The following MTURN variants were observed in gnomAD, a reference collection of about 807,000 sequenced individuals.
The protein encoded by MTURN is maturin, neural progenitor differentiation regulator homolog.
Under a neutral mutation model 14.9 loss-of-function variants are expected in MTURN, and 7 were observed. The observed-to-expected ratio is 0.47, with a 90% confidence interval of 0.27 to 0.88. The LOEUF (loss-of-function observed/expected upper bound fraction) is 0.88. Among genes scored for constraint, MTURN ranks in the 40% least tolerant of loss-of-function variants. The pLI, the probability that MTURN is intolerant of heterozygous loss-of-function variation, is 0.14. For missense variants in MTURN, 151 were observed against 174.1 expected (o/e 0.87, Z 0.75); for synonymous variants, 69 against 72.5 (o/e 0.95, Z 0.25).
chr7:30,139,400 G>A (rs1281846166), intron 1 of MTURN, among the ~76,000 whole-genome samples: 1 of 152,162 alleles, frequency 6.6e-6, no homozygotes, highest in African/African-American at 2.4e-5. Context: ...CTTTTCCACA[G>A]TTAATAAGTG....
In MTURN at chr7:30,157,621, A is replaced by G; in HGVS notation, c.*73A>G. 3 of 1,136,090 alleles carry G rather than the reference A, an allele frequency of 2.6e-6. 1 individual carries two copies. In the East Asian group the frequency reaches 8.1e-5, roughly 31 times the overall value. The allele number at this position is 1,136,090 out of a possible 1,614,324, so 70.4% of individuals were successfully genotyped here. A position where few individuals can be genotyped will look rare whatever the true frequency, so the allele number is the denominator to read the frequency against. On this transcript the variant is annotated 3_prime_UTR_variant, in exon 3 of 3. Transcript: ENST00000324453. ...GTGGGGTCACTGCCCCTCCTGGGTT[A>G]GCATTTTGCATTAGCACTTCGAAAT...
At chr7:30,141,902 T>G (rs550854042) in intron 1 of MTURN, among the ~76,000 whole-genome samples, 3 of 152,180 alleles carry the variant, frequency 2.0e-5, no homozygotes, top group Non-Finnish European at 4.4e-5. Context: ...CCCACTTCAG[T>G]ACTCCAGTAA....
chr7:30,139,498 A>G (rs1797016506), intron 1 of MTURN, among the ~76,000 whole-genome samples: 2 of 152,172 alleles, frequency 1.3e-5, no homozygotes, highest in Non-Finnish European at 2.9e-5. Flanking sequence ...GGGTTCAGGG[A>G]GTGCTTCTTA....
At chr7:30,137,816 G>A (rs1796989359) in intron 1 of MTURN, 2 of 368,138 alleles carry the variant, frequency 5.4e-6, no homozygotes, top group South Asian at 4.1e-5. Flanking sequence ...TTAGTTGAAG[G>A]ACTTAGCAAT....
chr7:30,135,062 C>A lies in MTURN; in HGVS notation c.-75C>A. 8.4e-7 allele frequency: 1 copy of A among 1,192,544 alleles called. No individual in the cohort carries two copies. Among genetic ancestry groups the A allele is most frequent in the Middle Eastern group, 3.0e-4 (1 of 3,288 alleles). 73.9% of individuals were successfully genotyped at this position (1,192,544 alleles called of 1,614,324 possible). ...AGCCCGCGCAGGCCGAGCCGAGCGC[C>A]GCGCTGCCCGCCCGGGAGGAGGGCG... On this transcript the variant is annotated 5_prime_UTR_variant, in exon 1 of 3. Transcript: ENST00000324453.
intron 1 of MTURN, among the ~76,000 whole-genome samples, chr7:30,135,577 C>T (rs2128028928): frequency 6.6e-6 from 1 of 152,226 alleles, no homozygotes; most frequent in African/African-American, 2.4e-5. Context: ...GGCCACTCCT[C>T]TCCCCGCTGC....
chr7:30,135,145 C>T lies in MTURN; in HGVS notation c.9C>T (p.Phe3=), dbSNP rs1347224932. 6.9e-7 allele frequency: 1 copy of T among 1,457,390 alleles called. No homozygotes were observed. 90.3% of individuals were successfully genotyped at this position (1,457,390 alleles called of 1,614,324 possible). A position where few individuals can be genotyped will look rare whatever the true frequency, so the allele number is the denominator to read the frequency against. Residue 3 remains phenylalanine, a synonymous_variant, in exon 1 of 3, where the codon TTC becomes TTT. Transcript: ENST00000324453. MD[F]QQLADVAEKW... ...GCGGGCGCGGGGCCGCGATGGATTT[C>T]CAGCAGCTGGCCGACGTTGCGGAGA...
At position 30,157,401 on chromosome 7, in the gene MTURN, C is replaced by T. The variant is rs557365354; in HGVS notation, c.286-37C>T. The T allele has an allele frequency of 2.7e-4, 411 of 1,513,706 alleles. 2 individuals carry two copies. In the South Asian group the frequency reaches 4.5e-3, roughly 16 times the overall value. The allele number at this position is 1,513,706 out of a possible 1,614,324, so 93.8% of individuals were successfully genotyped here. A position where few individuals can be genotyped will look rare whatever the true frequency, so the allele number is the denominator to read the frequency against. On this transcript the variant is annotated intron_variant, in intron 2 of 2. Transcript: ENST00000324453. ...GTCTTCCTGCCTGTGGGCCATTTGGCGCTCACAGCTGCTTTTCTCTTGTTC... is the reference window on the plus strand; with the variant it reads ...GTCTTCCTGCCTGTGGGCCATTTGGTGCTCACAGCTGCTTTTCTCTTGTTC...
At chr7:30,148,888 G>A (rs932971494) in intron 2 of MTURN, among the ~76,000 whole-genome samples, 2 of 152,194 alleles carry the variant, frequency 1.3e-5, no homozygotes, top group African/African-American at 4.8e-5. Flanking sequence ...AAATTAAAAA[G>A]AAATGGATTC....
At chr7:30,143,483 T>C (rs185920835) in intron 1 of MTURN, among the ~76,000 whole-genome samples, 1 of 152,074 alleles carries the variant, frequency 6.6e-6, no homozygotes, top group Non-Finnish European at 1.5e-5. Flanking sequence ...CTCCTTGTTA[T>C]GAGATACAAT....
chr7:30,156,531 A>G (rs1053298496), intron 2 of MTURN, among the ~76,000 whole-genome samples: 2 of 151,872 alleles, frequency 1.3e-5, no homozygotes, highest in African/African-American at 4.8e-5. Flanking sequence ...ACACACATAT[A>G]TAAAGAAACT....
intron 1 of MTURN, among the ~76,000 whole-genome samples, chr7:30,144,030 G>A (rs1465457711): frequency 6.6e-6 from 1 of 152,248 alleles, no homozygotes; most frequent in Non-Finnish European, 1.5e-5. Flanking sequence ...CACATTGGGT[G>A]TCTGATTTAC....
chr7:30,151,118 C>T (rs1241983344), intron 2 of MTURN, among the ~76,000 whole-genome samples: 2 of 152,180 alleles, frequency 1.3e-5, no homozygotes, highest in East Asian at 3.8e-4. Context: ...CATTCTACTC[C>T]ACTCCAGTGA....
Position 30,135,095 on chromosome 7 carries a change from G to C in MTURN, c.-42G>C. The stretch of plus-strand genomic sequence containing the variant: ...CCGCCCGGGAGGAGGGCGCCTAGGA[G>C]CGGGAGGGCGGGCGGCGGCGGGAGG... On this transcript the variant is annotated 5_prime_UTR_variant, in exon 1 of 3. Transcript: ENST00000324453. 7.2e-7 allele frequency: 1 copy of C among 1,388,932 alleles called. No homozygotes were observed. Among genetic ancestry groups the C allele is most frequent in the Non-Finnish European group, 9.5e-7 (1 of 1,055,552 alleles). 86.0% of individuals were successfully genotyped at this position (1,388,932 alleles called of 1,614,324 possible).
rs73079715 is a variant in MTURN at position 30,140,415 on chromosome 7, G to A, written c.162+5117G>A. Among the ~76,000 whole-genome samples the A allele has an allele frequency of 2.0e-3, 291 of 143,806 alleles. 3 individuals are homozygous for A. The Middle Eastern group carries it at 0.029, about 14-fold the overall frequency. The allele number at this position is 143,806 out of a possible 152,430, so 94.3% of individuals were successfully genotyped here. On this transcript the variant is annotated intron_variant, in intron 1 of 2. Coordinates refer to ENST00000324453, the MANE Select transcript of MTURN (RefSeq NM_152793.3). The stretch of plus-strand genomic sequence containing the variant: ...GAGGGGTGTGTGTGTGTGTGTGTGT[G>A]TATCCCCATTTGTGGTCTGAACACA...
chr7:30,143,668 A>G (rs1002252128), intron 1 of MTURN, among the ~76,000 whole-genome samples: 2 of 152,208 alleles, frequency 1.3e-5, no homozygotes, highest in Non-Finnish European at 2.9e-5. Context: ...AAATGAAGGA[A>G]GTTCAGACAG....
chr7:30,138,930 G>A (rs1006493013), intron 1 of MTURN, among the ~76,000 whole-genome samples: 4 of 152,102 alleles, frequency 2.6e-5, no homozygotes, highest in African/African-American at 9.7e-5. Flanking sequence ...CTGGCTCCTC[G>A]ATGCTCCTGA....
intron 2 of MTURN, among the ~76,000 whole-genome samples, chr7:30,155,548 C>T (rs1331341092): frequency 6.6e-6 from 1 of 152,204 alleles, no homozygotes; most frequent in African/African-American, 2.4e-5. Context: ...TTCTCCCAAG[C>T]ACACTCAAGA....
intron 1 of MTURN, among the ~76,000 whole-genome samples, chr7:30,143,378 A>C (rs1797083252): frequency 6.9e-6 from 1 of 144,132 alleles, no homozygotes; most frequent in Non-Finnish European, 1.5e-5. Context: ...TTTCCCAATG[A>C]CAGACTTAAT....
Sources: allele counts gnomAD v4.1 joint callset (sites outside exome capture counted in the v4.1 genomes callset), GRCh38; gene constraint gnomAD v4.1.1; transcripts MANE v1.5; gene names NCBI Gene and HGNC (gene_info 2026-07-23, HGNC 2026-07-21).